CSMD1: variants seen among roughly 807,000 people sequenced by gnomAD.
The protein encoded by CSMD1 is CUB and Sushi multiple domains 1, also known as CUB and sushi domain-containing protein 1.
CSMD1 carries 213 observed loss-of-function variants against 417.5 expected under a neutral mutation model. The observed-to-expected ratio is 0.51, with a 90% confidence interval of 0.46 to 0.57. CSMD1 has a LOEUF of 0.57. CSMD1 is among the 20% of genes least tolerant of loss of function. The pLI is 0.00. For synonymous variants in CSMD1, 2,862 were observed against 1,736.8 expected, an observed-to-expected ratio of 1.65 and a Z score of -16.11; for missense variants, 6,923 against 4,529.7, an observed-to-expected ratio of 1.53 and a Z score of -15.17.
chr8:3,941,528 T>G (rs952797788), intron 5 of CSMD1, among the ~76,000 whole-genome samples: 2 of 152,156 alleles, frequency 1.3e-5, no homozygotes, highest in African/African-American at 4.8e-5. Context: ...TGCTTAGTTT[T>G]AAAGTGCTCT....
intron 1 of CSMD1, among the ~76,000 whole-genome samples, chr8:4,709,305 A>T (rs998818519): frequency 6.6e-6 from 1 of 152,120 alleles, no homozygotes; most frequent in Non-Finnish European, 1.5e-5. Flanking sequence ...GAGGTGCTGA[A>T]CTATGGAGGT....
intron 22 of CSMD1, among the ~76,000 whole-genome samples, chr8:3,346,557 A>G (rs1808011612): frequency 6.6e-6 from 1 of 152,224 alleles, no homozygotes; most frequent in African/African-American, 2.4e-5. Flanking sequence ...CAACTAGAAT[A>G]AAACCACTCT....
intron 50 of CSMD1, among the ~76,000 whole-genome samples, chr8:3,033,320 A>G (rs1377218743): frequency 6.6e-6 from 1 of 152,112 alleles, no homozygotes; most frequent in East Asian, 1.9e-4. Context: ...CACAAAAGTA[A>G]TGTTTTATTG....
chr8:4,041,905 C>T (rs911006563), intron 3 of CSMD1, among the ~76,000 whole-genome samples: 35 of 152,058 alleles, frequency 2.3e-4, no homozygotes, highest in African/African-American at 8.2e-4. Flanking sequence ...ATAGATATAG[C>T]AGAAGGTAAC....
chr8:3,931,192 T>C (rs1368679376), intron 5 of CSMD1, among the ~76,000 whole-genome samples: 1 of 150,724 alleles, frequency 6.6e-6, no homozygotes, highest in Non-Finnish European at 1.5e-5. Flanking sequence ...CTCATATCCA[T>C]TTAGGAAGAC....
chr8:3,545,107 G>A (rs991244751), intron 10 of CSMD1, among the ~76,000 whole-genome samples: 2 of 152,104 alleles, frequency 1.3e-5, no homozygotes, highest in Non-Finnish European at 2.9e-5. Flanking sequence ...CCTAGGACAG[G>A]TATCAAAGCA....
chr8:3,999,682 G>A (rs1050199418), intron 4 of CSMD1, among the ~76,000 whole-genome samples: 1 of 152,148 alleles, frequency 6.6e-6, no homozygotes, highest in Admixed American at 6.5e-5. Flanking sequence ...TACACACTAG[G>A]CATTCTCATG....
At chr8:4,365,827 T>A (rs1014811930) in intron 3 of CSMD1, among the ~76,000 whole-genome samples, 1 of 152,234 alleles carries the variant, frequency 6.6e-6, no homozygotes, top group African/African-American at 2.4e-5. Context: ...CTTTTGACTT[T>A]TCTAGATTCC....
At chr8:4,600,019 G>A (rs1800499540) in intron 2 of CSMD1, among the ~76,000 whole-genome samples, 2 of 152,144 alleles carry the variant, frequency 1.3e-5, no homozygotes, top group African/African-American at 4.8e-5. Context: ...TCTAGGGTTG[G>A]TTACCGCAGA....
rs568889149 is a variant in CSMD1, at chr8:3,284,243, C to A, written c.4054G>T (p.Ala1352Ser). ...DILLKEWSGS[A>S]LPEDIHSTFN... ...GTGCTGTGGATGTCCTCCGGAAGGG[C>A]GGAGCCACTCCACTCCTTCAGCAGG... Residue 1352 changes from alanine to serine, a missense_variant, in exon 26 of 70, where the codon GCC (alanine) becomes TCC (serine). Coordinates refer to ENST00000635120, the MANE Select transcript of CSMD1 (RefSeq NM_033225.6). The A allele has an allele frequency of 1.2e-6, 2 of 1,613,584 alleles. No individual in the cohort carries two copies. Among genetic ancestry groups the A allele is most frequent in the Non-Finnish European group, 1.7e-6 (2 of 1,179,722 alleles).
chr8:3,674,253 T>A (rs1019430970), intron 7 of CSMD1, among the ~76,000 whole-genome samples: 1 of 152,216 alleles, frequency 6.6e-6, no homozygotes, highest in Admixed American at 6.5e-5. Context: ...ATTTTGTTAG[T>A]TGACTGTAAC....
At chr8:3,828,012 C>G (rs1341843178) in intron 5 of CSMD1, among the ~76,000 whole-genome samples, 1 of 152,172 alleles carries the variant, frequency 6.6e-6, no homozygotes, top group African/African-American at 2.4e-5. Flanking sequence ...CATGGCAAGA[C>G]TTTACAATTA....
At chr8:4,891,844 A>C (rs1016678480) in intron 1 of CSMD1, among the ~76,000 whole-genome samples, 6 of 152,128 alleles carry the variant, frequency 3.9e-5, no homozygotes, top group Non-Finnish European at 7.3e-5. Context: ...TAGACTATAC[A>C]CCTTGTATTA....
intron 5 of CSMD1, among the ~76,000 whole-genome samples, chr8:3,830,373 T>C (rs1802305986): frequency 6.6e-6 from 1 of 152,326 alleles, no homozygotes; most frequent in South Asian, 2.1e-4. Context: ...TTGCTTTCCC[T>C]CAAGGAGACG....
At chr8:4,586,962 G>T (rs17070691) in intron 2 of CSMD1, among the ~76,000 whole-genome samples, 1 of 152,018 alleles carries the variant, frequency 6.6e-6, no homozygotes, top group African/African-American at 2.4e-5. Context: ...GTGTAAGAGA[G>T]GTTACATCTA....
Position 3,383,996 on chromosome 8 carries a change from T to C in CSMD1, c.2782+3498A>G, listed in dbSNP as rs185502277. Among the ~76,000 whole-genome samples, 18 of 152,260 alleles carry C rather than the reference T, an allele frequency of 1.2e-4. No homozygotes were observed. In the East Asian group the frequency reaches 2.7e-3, roughly 23 times the overall value. ...ACAGGACCTTCCCTGGATAATTTCA[T>C]TTATTTACATAACCACTAGTGCCAG... On this transcript the variant is annotated intron_variant, in intron 18 of 69. Transcript: ENST00000635120.
intron 3 of CSMD1, among the ~76,000 whole-genome samples, chr8:4,232,442 G>A (rs1285799612): frequency 2.0e-5 from 3 of 152,080 alleles, no homozygotes; most frequent in Non-Finnish European, 2.9e-5. Flanking sequence ...CAGGTGATCT[G>A]CCCACCTCAG....
chr8:3,760,715 T>G (rs1379895838), intron 5 of CSMD1, among the ~76,000 whole-genome samples: 1 of 152,354 alleles, frequency 6.6e-6, no homozygotes, highest in South Asian at 2.1e-4. Flanking sequence ...GTTTGAGTAC[T>G]TCTCTTACAT....
intron 4 of CSMD1, among the ~76,000 whole-genome samples, chr8:4,020,797 T>C (rs1332157083): frequency 6.6e-6 from 1 of 152,228 alleles, no homozygotes; most frequent in Non-Finnish European, 1.5e-5. Context: ...GAGATTTCTT[T>C]TGAGAAAACT....
Sources: allele counts gnomAD v4.1 joint callset (sites outside exome capture counted in the v4.1 genomes callset), GRCh38; gene constraint gnomAD v4.1.1; transcripts MANE v1.5; gene names NCBI Gene and HGNC (gene_info 2026-07-23, HGNC 2026-07-21).